Variants in RYR2 observed in about 807,000 individuals in gnomAD.
The protein encoded by RYR2 is ryanodine receptor 2.
In RYR2, 227 loss-of-function variants were observed where a neutral mutation model predicts 601.1. The observed-to-expected ratio is 0.38, with a 90% confidence interval of 0.34 to 0.42. The LOEUF (loss-of-function observed/expected upper bound fraction) is 0.42, where lower values mean the gene tolerates loss of function less well. Ranked by LOEUF, RYR2 falls within the 10% of genes least tolerant of loss-of-function variation. The probability of loss-of-function intolerance (pLI) is 1.00; values close to 1 mark genes in which losing one functional copy is unlikely to be tolerated. For synonymous variants in RYR2, 2,223 were observed against 2,175.1 expected (o/e 1.02, Z -0.61); for missense variants, 4,646 against 6,156.5 (o/e 0.75, Z 8.21).
At chr1:237,246,243 A>C (rs1250789387) in intron 1 of RYR2, among the ~76,000 whole-genome samples, 3 of 151,562 alleles carry the variant, frequency 2.0e-5, no homozygotes, top group Admixed American at 1.3e-4. Context: ...TTACAGGTGC[A>C]TGCCACCAAG....
intron 2 of RYR2, among the ~76,000 whole-genome samples, chr1:237,311,486 T>C (rs1694562572): frequency 6.6e-6 from 1 of 151,756 alleles, no homozygotes; most frequent in Non-Finnish European, 1.5e-5. Flanking sequence ...AAAATCCTTT[T>C]TTTTTTTTTT....
Position 237,466,995 on chromosome 1 carries a change from T to A in RYR2, c.1613-2097T>A, listed in dbSNP as rs1193783392. On this transcript the variant is annotated intron_variant, in intron 16 of 104. Coordinates refer to ENST00000366574, the MANE Select transcript of RYR2 (RefSeq NM_001035.3). ...TCTGTTTGCAGTAAATTTAATGAAC[T>A]TTTCTTTGTGGCTTACTTTATAATT... Among the ~76,000 whole-genome samples the A allele has an allele frequency of 4.0e-5, 6 of 151,554 alleles. 1 individual carries two copies. Among genetic ancestry groups the A allele is most frequent in the Non-Finnish European group, 1.5e-5 (1 of 67,870 alleles).
intron 10 of RYR2, among the ~76,000 whole-genome samples, chr1:237,411,293 AAAAG>A (rs1395310980): frequency 7.9e-5 from 12 of 152,138 alleles, no homozygotes; most frequent in African/African-American, 2.9e-4. Flanking sequence ...TTTTTTTAAA[AAAAG>A]AATGCTGAGA....
At chr1:237,705,175 T>A in intron 66 of RYR2, 38 bp from the exon 67 acceptor site, 1 of 1,581,632 alleles carries the variant, frequency 6.3e-7, no homozygotes, top group Non-Finnish European at 8.6e-7. Context: ...AGTTACTCAC[T>A]TGGAAGACCT....
intron 80 of RYR2, among the ~76,000 whole-genome samples, chr1:237,746,656 T>TTAAA (rs1692105646): frequency 6.6e-6 from 1 of 152,174 alleles, no homozygotes. Context: ...TAACTACTTA[T>TTAAA]TAAATAACTT....
At chr1:237,395,531 G>GTTTTTTTTTTTTTTTTT (rs1330833544) in intron 10 of RYR2, among the ~76,000 whole-genome samples, 1 of 98,978 alleles carries the variant, frequency 1.0e-5, no homozygotes, top group Admixed American at 1.3e-4. Flanking sequence ...TAGTAGGACT[G>GTTTTTTTTTTTTTTTTT]TCTTTTTTTT....
At chr1:237,463,749 G>T (rs1659740070) in intron 16 of RYR2, among the ~76,000 whole-genome samples, 1 of 152,004 alleles carries the variant, frequency 6.6e-6, no homozygotes, top group African/African-American at 2.4e-5. Flanking sequence ...TTTTAGGGAG[G>T]GACATTTGTC....
In RYR2 at chr1:237,472,397, C is replaced by G. The variant is rs146660920; in HGVS notation, c.1708+3210C>G. Among the ~76,000 whole-genome samples the G allele has an allele frequency of 7.9e-5, 12 of 152,248 alleles. No homozygotes were observed. The East Asian group carries it at 2.3e-3, about 29-fold the overall frequency. On this transcript the variant is annotated intron_variant, in intron 17 of 104. Transcript: ENST00000366574. ...GGGATCTAGACCATTCTAGTCTTTA[C>G]TGCCTTGGCAGGTCCCCAGTGCCTT...
chr1:237,713,921 C>CA (rs1364725705), intron 71 of RYR2, among the ~76,000 whole-genome samples: 1 of 150,056 alleles, frequency 6.7e-6, no homozygotes, highest in Admixed American at 6.6e-5. Context: ...ATCTAAAATA[C>CA]AAAAAAGTAT....
intron 1 of RYR2, among the ~76,000 whole-genome samples, chr1:237,107,483 G>A (rs1296928854): frequency 1.5e-5 from 2 of 135,734 alleles, no homozygotes; most frequent in African/African-American, 2.7e-5. Context: ...TCGCACCACT[G>A]CACTCCAGCC....
chr1:237,376,436 A>C (rs1385289366), intron 7 of RYR2, among the ~76,000 whole-genome samples: 1 of 151,966 alleles, frequency 6.6e-6, no homozygotes, highest in African/African-American at 2.4e-5. Context: ...AGGGACTTAC[A>C]TTCTGGCATT....
chr1:237,157,318 A>G (rs865782346), intron 1 of RYR2, among the ~76,000 whole-genome samples: 735 of 140,416 alleles, frequency 5.2e-3, no homozygotes, highest in Non-Finnish European at 7.0e-3. Context: ...AAAAAAAAAA[A>G]AAAGAAAGAA....
chr1:237,257,057 G>T (rs1486583834), intron 1 of RYR2, among the ~76,000 whole-genome samples: 2 of 152,170 alleles, frequency 1.3e-5, no homozygotes, highest in Non-Finnish European at 2.9e-5. Context: ...TAAGTCTAGA[G>T]TCTATTCACT....
At chr1:237,712,172 G>A (rs912686575) in intron 71 of RYR2, among the ~76,000 whole-genome samples, 1 of 152,054 alleles carries the variant, frequency 6.6e-6, no homozygotes, top group Non-Finnish European at 1.5e-5. Flanking sequence ...AGACGTGGGC[G>A]AGAGCTTGCC....
chr1:237,267,926 C>T (rs1191239591), intron 1 of RYR2, among the ~76,000 whole-genome samples: 1 of 152,084 alleles, frequency 6.6e-6, no homozygotes, highest in Non-Finnish European at 1.5e-5. Context: ...TCTCATTTTC[C>T]TCATCTAGAT....
intron 101 of RYR2, among the ~76,000 whole-genome samples, chr1:237,826,126 A>G (rs1663059235): frequency 6.6e-6 from 1 of 152,212 alleles, no homozygotes; most frequent in Non-Finnish European, 1.5e-5. Context: ...AAGGATCTAG[A>G]ACTAGAAATA....
At chr1:237,122,252 G>A (rs574266352) in intron 1 of RYR2, among the ~76,000 whole-genome samples, 4 of 152,344 alleles carry the variant, frequency 2.6e-5, no homozygotes, top group South Asian at 2.1e-4. Context: ...CACATCGACC[G>A]CTTGCTGATT....
chr1:237,062,960 T>C lies in RYR2; in HGVS notation c.48+20391T>C, dbSNP rs552183772. Among the ~76,000 whole-genome samples the C allele has an allele frequency of 5.1e-4, 71 of 139,190 alleles. 2 individuals are homozygous for C. Among genetic ancestry groups the C allele is most frequent in the Middle Eastern group, 3.5e-3 (1 of 282 alleles). The allele number at this position is 139,190 out of a possible 152,430, so 91.3% of individuals were successfully genotyped here. ...TCAGTTTAGAATTATGATTTTACTG[T>C]TTTTTTTTTTCTGTTAGTGCAATGG... On this transcript the variant is annotated intron_variant, in intron 1 of 104. Transcript: ENST00000366574.
At chr1:237,663,937 TC>T (rs1319390552) in intron 56 of RYR2, among the ~76,000 whole-genome samples, 8 of 152,178 alleles carry the variant, frequency 5.3e-5, no homozygotes, top group Admixed American at 2.6e-4. Context: ...TAAGGGCTGA[TC>T]AAAGTTACAA....
Sources: allele counts gnomAD v4.1 joint callset (sites outside exome capture counted in the v4.1 genomes callset), GRCh38; gene constraint gnomAD v4.1.1; transcripts MANE v1.5; gene names NCBI Gene and HGNC (gene_info 2026-07-23, HGNC 2026-07-21).